The following LRBA variants were observed in gnomAD, a reference collection of about 807,000 sequenced individuals.
LRBA encodes LPS responsive beige-like anchor protein, also known as lipopolysaccharide-responsive and beige-like anchor protein.
In LRBA, 176 loss-of-function variants were observed where a neutral mutation model predicts 330.0. The observed-to-expected ratio is 0.53, with a 90% CI of 0.47 to 0.60. The LOEUF (loss-of-function observed/expected upper bound fraction) is 0.60, where lower values mean the gene tolerates loss of function less well. LRBA is among the 20% of genes least tolerant of loss of function. The pLI is 0.00. For missense variants in LRBA, 3,259 were observed against 3,444.8 expected, an observed-to-expected ratio of 0.95 and a Z score of 1.35; for synonymous variants, 1,230 against 1,193.0, an observed-to-expected ratio of 1.03 and a Z score of -0.64.
rs146869426 is a variant in LRBA, at chr4:150,783,351, A to C, written c.5580+14730T>G. Among the ~76,000 whole-genome samples the C allele has an allele frequency of 4.6e-5, 7 of 152,370 alleles. No homozygotes were observed. In the East Asian group the frequency reaches 1.3e-3, roughly 29 times the overall value. ...AATAGCGTACCGTTCCAATGGATAG[A>C]AATACAAGACAAGTCTGAAAGATCA... On this transcript the variant is annotated intron_variant, in intron 34 of 56. Transcript: ENST00000651943.
At chr4:150,971,971 T>C (rs1470884920) in intron 2 of LRBA, among the ~76,000 whole-genome samples, 2 of 152,210 alleles carry the variant, frequency 1.3e-5, no homozygotes, top group Admixed American at 6.5e-5. Context: ...GCCAGTATAA[T>C]GTACCTCCAT....
intron 38 of LRBA, among the ~76,000 whole-genome samples, chr4:150,593,222 A>G (rs1039811400): frequency 6.6e-6 from 1 of 152,218 alleles, no homozygotes; most frequent in African/African-American, 2.4e-5. Flanking sequence ...GTACAGAATA[A>G]GTATACCACA....
At chr4:150,458,699 G>T (rs1754385878) in intron 44 of LRBA, among the ~76,000 whole-genome samples, 1 of 149,554 alleles carries the variant, frequency 6.7e-6, no homozygotes, top group African/African-American at 2.5e-5. Flanking sequence ...GCTCTTTCTT[G>T]TTTTATGATT....
chr4:150,928,649 G>C, intron 3 of LRBA, 33 bp from the exon 4 acceptor site: 5 of 1,512,308 alleles, frequency 3.3e-6, no homozygotes, highest in Non-Finnish European at 4.6e-6. Context: ...AAATAACTCA[G>C]CTAGTTATAT....
intron 48 of LRBA, among the ~76,000 whole-genome samples, chr4:150,328,508 G>A (rs1561021066): frequency 1.3e-5 from 2 of 151,966 alleles, no homozygotes; most frequent in South Asian, 4.1e-4. Context: ...ATGGAGATAG[G>A]GTTATTCAAC....
At chr4:150,679,430 G>T (rs1023107200) in intron 37 of LRBA, among the ~76,000 whole-genome samples, 3 of 152,100 alleles carry the variant, frequency 2.0e-5, no homozygotes, top group Non-Finnish European at 2.9e-5. Flanking sequence ...TGTTAGTTTC[G>T]ATTTCACAAG....
intron 37 of LRBA, among the ~76,000 whole-genome samples, chr4:150,680,903 C>T (rs1782997628): frequency 6.6e-6 from 1 of 152,046 alleles, no homozygotes; most frequent in Non-Finnish European, 1.5e-5. Flanking sequence ...AATAGTGAAA[C>T]AAAATAAATG....
chr4:150,995,246 A>G (rs1030519661), intron 2 of LRBA, among the ~76,000 whole-genome samples: 1 of 152,110 alleles, frequency 6.6e-6, no homozygotes, highest in Non-Finnish European at 1.5e-5. Context: ...GACAGAAGCA[A>G]ACACCAATCC....
chr4:150,315,693 G>GGTTTGACTTATGCA, intron 50 of LRBA, 70 bp from the exon 51 acceptor site: 1 of 914,638 alleles, frequency 1.1e-6, no homozygotes, highest in South Asian at 1.8e-5. Flanking sequence ...AAATGCATAA[G>GGTTTGACTTATGCA]TCAAACCTTA....
At chr4:150,655,476 G>C (rs1419980932) in intron 37 of LRBA, among the ~76,000 whole-genome samples, 1 of 152,170 alleles carries the variant, frequency 6.6e-6, no homozygotes, top group East Asian at 1.9e-4. Flanking sequence ...CCTAGAACTG[G>C]GGTTGCTGGG....
intron 17 of LRBA, among the ~76,000 whole-genome samples, chr4:150,886,583 A>G (rs1023757482): frequency 2.0e-5 from 3 of 152,164 alleles, no homozygotes; most frequent in Admixed American, 1.3e-4. Context: ...ATCGAAGGGG[A>G]AAAACCAAAG....
Position 150,479,111 on chromosome 4 carries a change from G to A in LRBA, c.6552-7372C>T, listed in dbSNP as rs146307556. 6.5e-3 allele frequency among the ~76,000 whole-genome samples: 989 copies of A among 151,824 alleles called. 13 individuals carry two copies. Among genetic ancestry groups the A allele is most frequent in the African/African-American group, 0.022 (926 of 41,426 alleles). ...TCAGCCTGGACAATGGAGCAAGACAGCATCTCTTAAAAAAAAAAATTAGCC... is the reference window on the plus strand; with the variant it reads ...TCAGCCTGGACAATGGAGCAAGACAACATCTCTTAAAAAAAAAAATTAGCC... On this transcript the variant is annotated intron_variant, in intron 42 of 56. Coordinates refer to ENST00000651943, the MANE Select transcript of LRBA (RefSeq NM_001364905.1).
At chr4:150,668,919 G>A (rs1402758784) in intron 37 of LRBA, among the ~76,000 whole-genome samples, 1 of 152,042 alleles carries the variant, frequency 6.6e-6, no homozygotes, top group East Asian at 1.9e-4. Flanking sequence ...AGTGTCAAAG[G>A]GAGGGATAAG....
intron 47 of LRBA, among the ~76,000 whole-genome samples, chr4:150,369,594 A>G (rs941152995): frequency 6.6e-6 from 1 of 152,128 alleles, no homozygotes; most frequent in Admixed American, 6.5e-5. Context: ...GCTAAGAAAT[A>G]TAAGAGCTGC....
intron 34 of LRBA, among the ~76,000 whole-genome samples, chr4:150,794,847 G>C (rs1231731600): frequency 6.6e-6 from 1 of 152,058 alleles, no homozygotes; most frequent in Non-Finnish European, 1.5e-5. Context: ...TAGATGACCT[G>C]GCAGAAGGCT....
chr4:150,540,488 G>A (rs1184853351), intron 40 of LRBA, among the ~76,000 whole-genome samples: 1 of 152,042 alleles, frequency 6.6e-6, no homozygotes, highest in South Asian at 2.1e-4. Context: ...AGCCACCAGC[G>A]CCCAGCCAAC....
intron 2 of LRBA, among the ~76,000 whole-genome samples, chr4:150,985,632 AG>A (rs1741374477): frequency 1.3e-5 from 2 of 151,706 alleles, no homozygotes; most frequent in Non-Finnish European, 2.9e-5. Flanking sequence ...CCGAGTAGCC[AG>A]GACTACAGGC....
In LRBA at chr4:150,870,529, G is replaced by A. The variant is rs767648048; in HGVS notation, c.2445C>T (p.Asn815=). ...PDPDSSVKIQ[N]PQILKVIATL... is the part of the protein sequence containing the mutation. ...TAAAGTATATAAAATACATACGAGG[G>A]TTTTGTATCTTCACTGAAGAATCAG... Residue 815 remains asparagine, a synonymous_variant, in exon 20 of 57, where the codon AAC becomes AAT. Coordinates refer to ENST00000651943, the MANE Select transcript of LRBA (RefSeq NM_001364905.1). The A allele has an allele frequency of 3.8e-6, 6 of 1,559,402 alleles. No homozygotes were observed. The highest frequency in any genetic ancestry group is 1.4e-5 in the African/African-American group (1 of 73,836).
chr4:150,724,828 C>T lies in LRBA; in HGVS notation c.5754+10430G>A, dbSNP rs865961302. 5.4e-5 allele frequency among the ~76,000 whole-genome samples: 8 copies of T among 149,032 alleles called. 1 individual carries two copies. Among genetic ancestry groups the T allele is most frequent in the South Asian group, 2.1e-4 (1 of 4,698 alleles). On this transcript the variant is annotated intron_variant, in intron 36 of 56. Transcript: ENST00000651943. Reference sequence around the variant, plus strand: ...TGCACTGCAGCCTGGGTGATAGAGCCAGACCCTGTCTCAAAAAATAAAATA... The same window carrying T: ...TGCACTGCAGCCTGGGTGATAGAGCTAGACCCTGTCTCAAAAAATAAAATA...
Sources: gnomAD v4.1 joint callset for allele counts (sites outside exome capture counted in the v4.1 genomes callset) on GRCh38, gnomAD v4.1.1 for gene constraint, MANE v1.5 for transcripts, NCBI Gene and HGNC (gene_info 2026-07-23, HGNC 2026-07-21) for gene names.